The following REC114 variants were observed in gnomAD, a reference collection of about 807,000 sequenced individuals.
REC114 encodes the protein meiotic recombination protein REC114.
A neutral mutation model predicts 31.3 loss-of-function variants in REC114; 27 were observed. That is an observed-to-expected ratio of 0.86 (90% CI 0.64 to 1.19). The LOEUF (loss-of-function observed/expected upper bound fraction) is 1.19, where lower values mean the gene tolerates loss of function less well. Ranked by LOEUF, REC114 falls within the 50% of genes most tolerant of loss-of-function variation. REC114 has a pLI of 0.00. For missense variants in REC114, 344 were observed against 326.9 expected (o/e 1.05, Z -0.40); for synonymous variants, 134 against 127.7 (o/e 1.05, Z -0.33).
At chr15:73,482,198 G>A (rs1371021455) in intron 2 of REC114, among the ~76,000 whole-genome samples, 1 of 152,088 alleles carries the variant, frequency 6.6e-6, no homozygotes, top group African/African-American at 2.4e-5. Context: ...TTGGATGTTT[G>A]TCCCCTCCAA....
intron 2 of REC114, among the ~76,000 whole-genome samples, chr15:73,508,574 C>T (rs1893716749): frequency 6.9e-6 from 1 of 145,566 alleles, no homozygotes; most frequent in South Asian, 2.4e-4. Flanking sequence ...AGGTATATCT[C>T]CCAATGCTAT....
chr15:73,534,247 T>G (rs982756211), intron 2 of REC114, among the ~76,000 whole-genome samples: 7 of 152,234 alleles, frequency 4.6e-5, no homozygotes, highest in Middle Eastern at 6.8e-3. Context: ...ATCCAGGAGC[T>G]GGTTTTTTGA....
intron 3 of REC114, among the ~76,000 whole-genome samples, chr15:73,549,406 A>T (rs1056668116): frequency 6.6e-6 from 1 of 152,190 alleles, no homozygotes; most frequent in African/African-American, 2.4e-5. Flanking sequence ...AAAAAAAGAA[A>T]GAATGAACAG....
intron 3 of REC114, among the ~76,000 whole-genome samples, chr15:73,542,961 T>TAA (rs796558723): frequency 6.6e-6 from 1 of 150,932 alleles, no homozygotes. Flanking sequence ...TTTTTTTTTT[T>TAA]TATATAAATT....
chr15:73,509,015 G>A (rs1356209547), intron 2 of REC114, among the ~76,000 whole-genome samples: 21 of 151,174 alleles, frequency 1.4e-4, no homozygotes, highest in African/African-American at 4.1e-4. Flanking sequence ...CTGAGGAATC[G>A]CCACACTGAC....
chr15:73,503,447 A>G (rs1893629273), intron 2 of REC114, among the ~76,000 whole-genome samples: 1 of 152,204 alleles, frequency 6.6e-6, no homozygotes, highest in Non-Finnish European at 1.5e-5. Flanking sequence ...AAATATTTAC[A>G]GGAAAAAAAA....
At chr15:73,513,564 A>G (rs1477692156) in intron 2 of REC114, among the ~76,000 whole-genome samples, 1 of 149,580 alleles carries the variant, frequency 6.7e-6, no homozygotes, top group Non-Finnish European at 1.5e-5. Flanking sequence ...TTTTTTCCCC[A>G]TCTTTGTGGT....
intron 3 of REC114, among the ~76,000 whole-genome samples, chr15:73,540,952 T>G (rs1012145172): frequency 2.0e-5 from 3 of 152,214 alleles, no homozygotes; most frequent in Admixed American, 6.5e-5. Context: ...ATTAAAAAAT[T>G]TCCCTTTTAC....
chr15:73,472,029 A>G lies in REC114; in HGVS notation c.160-1803A>G, dbSNP rs1012003184. The stretch of plus-strand genomic sequence containing the variant: ...CCTTCTGGAAATCTGGTAATGTTCT[A>G]TTTCTTCATCTGGGTGATGTATTTG... On this transcript the variant is annotated intron_variant, in intron 1 of 5. Coordinates refer to ENST00000331090, the MANE Select transcript of REC114 (RefSeq NM_001042367.2). Among the ~76,000 whole-genome samples the G allele has an allele frequency of 1.1e-4, 17 of 152,178 alleles. No homozygotes were observed. In the South Asian group the frequency reaches 1.7e-3, roughly 15 times the overall value.
At chr15:73,530,355 T>C (rs532644593) in intron 2 of REC114, among the ~76,000 whole-genome samples, 1 of 152,222 alleles carries the variant, frequency 6.6e-6, no homozygotes, top group South Asian at 2.1e-4. Context: ...AACAACTGGT[T>C]ATGATTATTG....
chr15:73,502,403 G>A (rs960123751), intron 2 of REC114, among the ~76,000 whole-genome samples: 4 of 152,064 alleles, frequency 2.6e-5, no homozygotes, highest in East Asian at 1.9e-4. Flanking sequence ...TCACTGAAAC[G>A]TAACTAATAG....
At chr15:73,552,201 G>C (rs192383151) in intron 4 of REC114, among the ~76,000 whole-genome samples, 14 of 152,260 alleles carry the variant, frequency 9.2e-5, no homozygotes, top group Admixed American at 2.0e-4. Flanking sequence ...GAGTTTTGGT[G>C]TTGTATCAAG....
chr15:73,537,494 CTG>C (rs1894172654), intron 2 of REC114, among the ~76,000 whole-genome samples: 1 of 152,030 alleles, frequency 6.6e-6, no homozygotes, highest in African/African-American at 2.4e-5. Flanking sequence ...GTATCCCCCC[CTG>C]AATCAACTCC....
At chr15:73,518,921 G>A (rs1039261674) in intron 2 of REC114, among the ~76,000 whole-genome samples, 2 of 152,128 alleles carry the variant, frequency 1.3e-5, no homozygotes, top group African/African-American at 4.8e-5. Context: ...TGCTGCTACC[G>A]TGGGGCTGAA....
rs74022993 is a variant in REC114, at chr15:73,461,128, G to C, written c.160-12704G>C. 8.7e-3 allele frequency among the ~76,000 whole-genome samples: 1,327 copies of C among 151,818 alleles called. 20 individuals are homozygous for C. Among genetic ancestry groups the C allele is most frequent in the African/African-American group, 0.03 (1,248 of 41,418 alleles). On this transcript the variant is annotated intron_variant, in intron 1 of 5. Transcript: ENST00000331090. ...TTTTTTGGTGGTGGGGAAGGTCTGC[G>C]TGTTATTGCTATTGTTTTTTTTTTA...
At chr15:73,549,367 G>A (rs1178898344) in intron 3 of REC114, among the ~76,000 whole-genome samples, 2 of 152,198 alleles carry the variant, frequency 1.3e-5, no homozygotes, top group African/African-American at 4.8e-5. Context: ...CAGAGGCTGG[G>A]AAGGGTAGTG....
At chr15:73,491,451 G>A (rs1227611674) in intron 2 of REC114, among the ~76,000 whole-genome samples, 1 of 152,152 alleles carries the variant, frequency 6.6e-6, no homozygotes, top group African/African-American at 2.4e-5. Context: ...GGGAAATTAT[G>A]AGTAGAGCTT....
intron 1 of REC114, among the ~76,000 whole-genome samples, chr15:73,463,256 C>T (rs1239377929): frequency 4.6e-5 from 7 of 152,112 alleles, no homozygotes; most frequent in African/African-American, 7.2e-5. Flanking sequence ...TCAGGTTGTT[C>T]TACAGAGTTT....
At chr15:73,528,843 C>A (rs1469176286) in intron 2 of REC114, among the ~76,000 whole-genome samples, 1 of 152,012 alleles carries the variant, frequency 6.6e-6, no homozygotes, top group South Asian at 2.1e-4. Flanking sequence ...AATTGTCAAT[C>A]CCTAATCTAG....
Sources: allele counts gnomAD v4.1 joint callset (sites outside exome capture counted in the v4.1 genomes callset), GRCh38; gene constraint gnomAD v4.1.1; transcripts MANE v1.5; gene names NCBI Gene and HGNC (gene_info 2026-07-23, HGNC 2026-07-21).